CDH18: variants seen among roughly 807,000 people sequenced by gnomAD.
The protein encoded by CDH18 is cadherin-18.
Under a neutral mutation model 67.9 loss-of-function variants are expected in CDH18, and 31 were observed. The observed-to-expected ratio is 0.46, with a 90% confidence interval of 0.34 to 0.62. The LOEUF (loss-of-function observed/expected upper bound fraction) is 0.62. CDH18 is among the 20% of genes least tolerant of loss of function. The pLI, the probability that CDH18 is intolerant of heterozygous loss-of-function variation, is 0.01. For missense variants in CDH18, 890 were observed against 975.5 expected (o/e 0.91, Z 1.17); for synonymous variants, 362 against 347.2 (o/e 1.04, Z -0.48).
chr5:20,427,921 C>T lies in CDH18; in HGVS notation c.-580+147541G>A, dbSNP rs554916656. ...CATTATCAAACTCTTTTTGACCCAA[C>T]GTGTTTGTTTTTTTGTTTAATTTTA... is the stretch of plus-strand genomic sequence containing the variant. On this transcript the variant is annotated intron_variant, in intron 1 of 14. Transcript: ENST00000507958. Among the ~76,000 whole-genome samples the T allele has an allele frequency of 1.2e-4, 18 of 151,146 alleles. 2 individuals carry two copies. The highest frequency in any genetic ancestry group is 4.0e-4 in the African/African-American group (16 of 40,504).
At chr5:19,594,706 A>G (rs754565688) in intron 6 of CDH18, among the ~76,000 whole-genome samples, 1 of 152,086 alleles carries the variant, frequency 6.6e-6, no homozygotes, top group Non-Finnish European at 1.5e-5. Context: ...TTGTCTTTCC[A>G]CATATATTTT....
chr5:20,152,232 A>G (rs1277523359), intron 2 of CDH18, among the ~76,000 whole-genome samples: 2 of 145,624 alleles, frequency 1.4e-5, no homozygotes, highest in African/African-American at 2.5e-5. Context: ...TATATGTAAT[A>G]TATAATTATA....
intron 2 of CDH18, among the ~76,000 whole-genome samples, chr5:19,907,263 A>G (rs764693912): frequency 5.9e-5 from 9 of 151,994 alleles, no homozygotes; most frequent in African/African-American, 1.7e-4. Context: ...CACTTGGGTC[A>G]AAAATCATAG....
At chr5:19,646,171 AAAT>A (rs1459853392) in intron 5 of CDH18, among the ~76,000 whole-genome samples, 1 of 152,076 alleles carries the variant, frequency 6.6e-6, no homozygotes, top group Non-Finnish European at 1.5e-5. Context: ...GTGAGGAGAG[AAAT>A]AAAAATGTCA....
At chr5:20,292,156 G>A (rs759849863) in intron 1 of CDH18, among the ~76,000 whole-genome samples, 1 of 152,168 alleles carries the variant, frequency 6.6e-6, no homozygotes, top group African/African-American at 2.4e-5. Context: ...GAAGGCATTC[G>A]CTATTGGCAG....
At chr5:20,222,157 G>A (rs1010554992) in intron 2 of CDH18, among the ~76,000 whole-genome samples, 11 of 152,106 alleles carry the variant, frequency 7.2e-5, no homozygotes, top group African/African-American at 2.4e-4. Context: ...TGACATCTCT[G>A]CCCTACTTTC....
At chr5:19,599,918 C>T (rs767028650) in intron 6 of CDH18, among the ~76,000 whole-genome samples, 1 of 151,788 alleles carries the variant, frequency 6.6e-6, no homozygotes, top group Non-Finnish European at 1.5e-5. Flanking sequence ...AAAACAAAAC[C>T]AAAACAGAAC....
At chr5:20,427,934 T>A (rs1171428847) in intron 1 of CDH18, among the ~76,000 whole-genome samples, 2 of 151,190 alleles carry the variant, frequency 1.3e-5, no homozygotes, top group South Asian at 2.1e-4. Context: ...GTTTGTTTTT[T>A]TGTTTAATTT....
intron 2 of CDH18, among the ~76,000 whole-genome samples, chr5:20,073,403 T>A (rs541284274): frequency 6.6e-6 from 1 of 152,120 alleles, no homozygotes; most frequent in East Asian, 1.9e-4. Context: ...TACTGCCCCT[T>A]GAGTGCATTC....
chr5:20,358,341 G>A (rs1296516364), intron 1 of CDH18, among the ~76,000 whole-genome samples: 1 of 152,070 alleles, frequency 6.6e-6, no homozygotes. Context: ...AATAAAATTG[G>A]TCAATGAGAC....
At chr5:20,158,405 T>C (rs1751724197) in intron 2 of CDH18, among the ~76,000 whole-genome samples, 1 of 152,222 alleles carries the variant, frequency 6.6e-6, no homozygotes, top group Admixed American at 6.5e-5. Flanking sequence ...TGAATGATTT[T>C]TGGAAACCTT....
intron 2 of CDH18, among the ~76,000 whole-genome samples, chr5:19,866,372 C>A (rs912695111): frequency 7.0e-6 from 1 of 143,882 alleles, no homozygotes; most frequent in Non-Finnish European, 1.5e-5. Context: ...AGCCTCAATG[C>A]AGAAGAAAGG....
chr5:20,305,501 G>T, intron 1 of CDH18: 2 of 1,104,616 alleles, frequency 1.8e-6, no homozygotes, highest in Non-Finnish European at 2.8e-6. Context: ...CTTGGGTGCC[G>T]CGAAACCCGG....
At chr5:20,204,797 GTTC>G (rs1329022043) in intron 2 of CDH18, among the ~76,000 whole-genome samples, 2 of 151,212 alleles carry the variant, frequency 1.3e-5, no homozygotes, top group Admixed American at 6.6e-5. Flanking sequence ...CTTTCTTTTT[GTTC>G]TTCTCTTTGT....
At chr5:20,071,464 C>A (rs1365268413) in intron 2 of CDH18, among the ~76,000 whole-genome samples, 3 of 152,010 alleles carry the variant, frequency 2.0e-5, no homozygotes, top group Admixed American at 2.0e-4. Flanking sequence ...CATGTTGGTA[C>A]AACCACAAAG....
At chr5:20,283,015 G>A (rs536280435) in intron 1 of CDH18, among the ~76,000 whole-genome samples, 2 of 152,080 alleles carry the variant, frequency 1.3e-5, no homozygotes, top group Non-Finnish European at 2.9e-5. Flanking sequence ...CATACACTGG[G>A]TAAGGGACAA....
intron 3 of CDH18, among the ~76,000 whole-genome samples, chr5:19,837,968 G>A (rs1781869496): frequency 6.6e-6 from 1 of 152,074 alleles, no homozygotes; most frequent in African/African-American, 2.4e-5. Context: ...CAATCCTAGA[G>A]CCTAGATGAC....
rs76914148 is a variant in CDH18, at chr5:20,054,562, C to T, written c.-517-62548G>A. Among the ~76,000 whole-genome samples, 1,098 of 152,170 alleles carry T rather than the reference C, an allele frequency of 7.2e-3. 10 individuals are homozygous for T. The highest frequency in any genetic ancestry group is 0.031 in the Middle Eastern group (9 of 294). Reference sequence around the variant, plus strand: ...CATTCTACCAATTGAAGGTCTTTAGCGTCTATTTTATAGCTATCATCTCCC... The same window carrying T: ...CATTCTACCAATTGAAGGTCTTTAGTGTCTATTTTATAGCTATCATCTCCC... On this transcript the variant is annotated intron_variant, in intron 2 of 14. Transcript: ENST00000507958.
chr5:19,949,615 T>A (rs1795595168), intron 2 of CDH18, among the ~76,000 whole-genome samples: 1 of 152,190 alleles, frequency 6.6e-6, no homozygotes, highest in Non-Finnish European at 1.5e-5. Flanking sequence ...TTTTCGTAAT[T>A]GAATTTTTCT....
Sources: allele counts gnomAD v4.1 joint callset (sites outside exome capture counted in the v4.1 genomes callset), GRCh38; gene constraint gnomAD v4.1.1; transcripts MANE v1.5; gene names NCBI Gene and HGNC (gene_info 2026-07-23, HGNC 2026-07-21).